PPARGC1A: variants seen among roughly 807,000 people sequenced by gnomAD.
The protein encoded by PPARGC1A is peroxisome proliferator-activated receptor gamma coactivator 1-alpha.
PPARGC1A carries 25 observed loss-of-function variants against 88.7 expected under a neutral mutation model. The observed-to-expected ratio is 0.28, with a 90% confidence interval of 0.21 to 0.39. The LOEUF (loss-of-function observed/expected upper bound fraction) is 0.39. Among genes scored for constraint, PPARGC1A ranks in the 10% least tolerant of loss-of-function variants. The pLI is 1.00. For synonymous variants in PPARGC1A, 363 were observed against 355.6 expected, an observed-to-expected ratio of 1.02 and a Z score of -0.24; for missense variants, 880 against 968.7, an observed-to-expected ratio of 0.91 and a Z score of 1.22.
chr4:24,164,405 A>G, the PPARGC1A span, among the ~76,000 whole-genome samples: 1 of 152,208 alleles, frequency 6.6e-6, no homozygotes, highest in Non-Finnish European at 1.5e-5. Context: ...GAGAAGGTTC[A>G]CTGCCTCTCC....
chr4:23,973,503 C>A, the PPARGC1A span, among the ~76,000 whole-genome samples: 2 of 152,114 alleles, frequency 1.3e-5, no homozygotes, highest in African/African-American at 2.4e-5. Context: ...AGAGAGGAAA[C>A]CCTCTATGTT....
the PPARGC1A span, among the ~76,000 whole-genome samples, chr4:24,121,504 G>A: frequency 2.0e-5 from 3 of 152,058 alleles, no homozygotes; most frequent in African/African-American, 7.2e-5. Context: ...CACTGAATGA[G>A]AGAAGCTGAT....
chr4:24,140,701 G>C, the PPARGC1A span, among the ~76,000 whole-genome samples: 15 of 152,270 alleles, frequency 9.9e-5, no homozygotes, highest in Middle Eastern at 3.4e-3. Flanking sequence ...ACATAACTGA[G>C]AGAAACATGA....
At chr4:23,941,736 T>C in the PPARGC1A span, among the ~76,000 whole-genome samples, 1 of 152,138 alleles carries the variant, frequency 6.6e-6, no homozygotes, top group African/African-American at 2.4e-5. Flanking sequence ...CCAGGTGGGC[T>C]TCAGATCCAT....
chr4:24,126,236 A>C, the PPARGC1A span, among the ~76,000 whole-genome samples: 128 of 150,248 alleles, frequency 8.5e-4, 2 homozygotes, highest in East Asian at 0.024. Context: ...TGAAATCGTA[A>C]TTTAAATCAC....
chr4:23,946,676 G>C, the PPARGC1A span, among the ~76,000 whole-genome samples: 1 of 152,086 alleles, frequency 6.6e-6, no homozygotes, highest in African/African-American at 2.4e-5. Context: ...CCAAAGTGTA[G>C]CAGATTGTTT....
At chr4:24,275,502 T>C in the PPARGC1A span, among the ~76,000 whole-genome samples, 25,286 of 152,094 alleles carry the variant, frequency 0.17, 2,458 homozygotes, top group Middle Eastern at 0.31. Flanking sequence ...AATGGAAAAA[T>C]AAGGCAGAAT....
the PPARGC1A span, among the ~76,000 whole-genome samples, chr4:23,923,173 A>G: frequency 6.6e-6 from 1 of 150,498 alleles, no homozygotes; most frequent in East Asian, 2.0e-4. Context: ...CCTTACCTCT[A>G]ACAACTGAGT....
At chr4:24,115,831 C>T in the PPARGC1A span, among the ~76,000 whole-genome samples, 1 of 152,098 alleles carries the variant, frequency 6.6e-6, no homozygotes, top group Non-Finnish European at 1.5e-5. Context: ...AGACATGAAA[C>T]GTTGTCTAAA....
the PPARGC1A span, among the ~76,000 whole-genome samples, chr4:24,070,097 C>G: frequency 6.6e-6 from 1 of 152,158 alleles, no homozygotes; most frequent in Admixed American, 6.5e-5. Context: ...TAAGGGATTA[C>G]TGTGATACTA....
chr4:24,456,795 T>C, the PPARGC1A span, among the ~76,000 whole-genome samples: 261 of 151,986 alleles, frequency 1.7e-3, 2 homozygotes, highest in African/African-American at 6.0e-3. Context: ...TAACCAGATA[T>C]GGTTACACTG....
chr4:23,905,709 A>T (rs1719951445), upstream of PPARGC1A, among the ~76,000 whole-genome samples: 1 of 152,228 alleles, frequency 6.6e-6, no homozygotes, highest in Non-Finnish European at 1.5e-5. Context: ...TATTATTACT[A>T]ATCTGATTCT....
chr4:23,890,736 T>A (rs529437136), upstream of PPARGC1A, among the ~76,000 whole-genome samples: 5 of 151,966 alleles, frequency 3.3e-5, no homozygotes, highest in South Asian at 1.0e-3. Flanking sequence ...CCCGAAGAGT[T>A]GCTGCAGTTT....
the PPARGC1A span, among the ~76,000 whole-genome samples, chr4:24,368,741 A>T: frequency 6.6e-6 from 1 of 152,206 alleles, no homozygotes; most frequent in Non-Finnish European, 1.5e-5. Flanking sequence ...TAAGTGCTAC[A>T]CTAAAGGGAG....
chr4:23,900,516 C>T (rs529823852), upstream of PPARGC1A, among the ~76,000 whole-genome samples: 2 of 152,310 alleles, frequency 1.3e-5, no homozygotes, highest in South Asian at 4.2e-4. Context: ...AAGCCAAGTG[C>T]TTGGCATATA....
the PPARGC1A span, among the ~76,000 whole-genome samples, chr4:24,303,738 G>C: frequency 6.6e-6 from 1 of 152,030 alleles, no homozygotes; most frequent in African/African-American, 2.4e-5. Context: ...GAATGTTTTG[G>C]AGTAGAGTAC....
At chr4:24,347,035 C>T in the PPARGC1A span, among the ~76,000 whole-genome samples, 16 of 151,860 alleles carry the variant, frequency 1.1e-4, no homozygotes, top group Non-Finnish European at 1.8e-4. Context: ...ATGCTCAGTC[C>T]AGAGTAGGTT....
intron 5 of PPARGC1A, among the ~76,000 whole-genome samples, chr4:23,827,196 T>A (rs1459897282): frequency 6.6e-6 from 1 of 152,156 alleles, no homozygotes; most frequent in African/African-American, 2.4e-5. Flanking sequence ...ATTTGAGATA[T>A]CTACCAGGGA....
chr4:24,014,881 A>C, the PPARGC1A span, among the ~76,000 whole-genome samples: 1 of 152,162 alleles, frequency 6.6e-6, no homozygotes, highest in East Asian at 1.9e-4. Context: ...TTATCATGTA[A>C]CCTAATCACA....
Sources: allele counts gnomAD v4.1 joint callset (sites outside exome capture counted in the v4.1 genomes callset), GRCh38; gene constraint gnomAD v4.1.1; transcripts MANE v1.5; gene names NCBI Gene and HGNC (gene_info 2026-07-23, HGNC 2026-07-21).